DLG2: variants seen among roughly 807,000 people sequenced by gnomAD.
The protein encoded by DLG2 is discs large MAGUK scaffold protein 2, also known as disks large homolog 2.
A neutral mutation model predicts 132.5 loss-of-function variants in DLG2; 45 were observed. That is an observed-to-expected ratio of 0.34 (90% CI 0.27 to 0.44). The LOEUF is 0.44. Ranked by LOEUF, DLG2 falls within the 20% of genes least tolerant of loss-of-function variation. DLG2 has a pLI of 1.00. For missense variants in DLG2, 1,045 were observed against 1,196.9 expected, an observed-to-expected ratio of 0.87 and a Z score of 1.87; for synonymous variants, 424 against 419.6, an observed-to-expected ratio of 1.01 and a Z score of -0.13.
chr11:85,516,825 G>A (rs564155895), intron 3 of DLG2, among the ~76,000 whole-genome samples: 1 of 152,126 alleles, frequency 6.6e-6, no homozygotes, highest in South Asian at 2.1e-4. Context: ...GGGATTCACA[G>A]CTGAATTCCA....
intron 18 of DLG2, among the ~76,000 whole-genome samples, chr11:83,681,338 C>T (rs2078765554): frequency 6.6e-6 from 1 of 152,146 alleles, no homozygotes; most frequent in Non-Finnish European, 1.5e-5. Context: ...CCGCCTGGAG[C>T]TAGGACCTGG....
chr11:84,370,885 A>T (rs2098703463), intron 7 of DLG2, among the ~76,000 whole-genome samples: 1 of 152,184 alleles, frequency 6.6e-6, no homozygotes, highest in African/African-American at 2.4e-5. Flanking sequence ...GACCACTATA[A>T]TCGTACATGT....
chr11:83,995,039 C>T (rs76945602), intron 11 of DLG2, among the ~76,000 whole-genome samples: 5 of 150,936 alleles, frequency 3.3e-5, no homozygotes, highest in Admixed American at 2.6e-4. Context: ...CCAGTACGAC[C>T]TCATCTTAAC....
intron 3 of DLG2, among the ~76,000 whole-genome samples, chr11:85,584,337 ATGGTG>A (rs2078820368): frequency 8.6e-6 from 1 of 115,828 alleles, no homozygotes; most frequent in Non-Finnish European, 1.8e-5. Context: ...GTAGTATTCC[ATGGTG>A]TGTGTGTGTG....
At chr11:83,923,167 T>G (rs943053764) in intron 15 of DLG2, among the ~76,000 whole-genome samples, 1 of 152,276 alleles carries the variant, frequency 6.6e-6, no homozygotes, top group East Asian at 1.9e-4. Context: ...ATTTTCTACC[T>G]GATTTGTGAT....
At chr11:83,678,301 T>G (rs1287928433) in intron 18 of DLG2, among the ~76,000 whole-genome samples, 3 of 152,210 alleles carry the variant, frequency 2.0e-5, no homozygotes, top group Non-Finnish European at 4.4e-5. Context: ...AGTGGAATTT[T>G]AGTTTACTAC....
In DLG2 at chr11:84,681,263, A is replaced by G. The variant is rs983005712; in HGVS notation, c.358-146532T>C. On this transcript the variant is annotated intron_variant, in intron 6 of 27. Coordinates refer to ENST00000376104, the MANE Select transcript of DLG2 (RefSeq NM_001142699.3). ...TCCTTCCTTCCCCTGATATGGGGGT[A>G]TAAGTGTTACCAAAGAATATGTGCC... 2.2e-4 allele frequency among the ~76,000 whole-genome samples: 34 copies of G among 152,306 alleles called. 1 individual carries two copies. The highest frequency in any genetic ancestry group is 6.7e-4 in the African/African-American group (28 of 41,556).
intron 3 of DLG2, among the ~76,000 whole-genome samples, chr11:85,533,244 G>A (rs907967569): frequency 7.2e-5 from 11 of 151,760 alleles, no homozygotes; most frequent in South Asian, 2.1e-4. Flanking sequence ...GGCTAGTCTC[G>A]AACTCCTGGC....
intron 8 of DLG2, among the ~76,000 whole-genome samples, chr11:84,250,477 C>T (rs1472083396): frequency 1.3e-5 from 2 of 152,214 alleles, no homozygotes; most frequent in Non-Finnish European, 2.9e-5. Context: ...AGCCCTTCTT[C>T]TCAGCTTCAT....
intron 6 of DLG2, among the ~76,000 whole-genome samples, chr11:84,591,258 C>T (rs374623893): frequency 0.022 from 499 of 23,190 alleles, 2 homozygotes; most frequent in African/African-American, 0.036. Context: ...TGTGTGTGTG[C>T]GCGTCTTTCT....
At chr11:83,625,383 T>C (rs1435887437) in intron 19 of DLG2, among the ~76,000 whole-genome samples, 1 of 152,216 alleles carries the variant, frequency 6.6e-6, no homozygotes, top group Non-Finnish European at 1.5e-5. Context: ...ATCCCCAGGA[T>C]ACTAACCAGC....
intron 3 of DLG2, among the ~76,000 whole-genome samples, chr11:85,333,812 C>T (rs1239518904): frequency 6.6e-6 from 1 of 151,922 alleles, no homozygotes; most frequent in African/African-American, 2.4e-5. Flanking sequence ...TTTTGATGTG[C>T]TGCTGGATTC....
chr11:84,262,364 G>A (rs2097558042), intron 7 of DLG2, among the ~76,000 whole-genome samples: 1 of 152,078 alleles, frequency 6.6e-6, no homozygotes, highest in Non-Finnish European at 1.5e-5. Flanking sequence ...AAAAAACTAA[G>A]AACTCAAAAA....
chr11:85,361,990 G>A (rs908897547), intron 3 of DLG2, among the ~76,000 whole-genome samples: 1 of 152,036 alleles, frequency 6.6e-6, no homozygotes, highest in Non-Finnish European at 1.5e-5. Context: ...CTTTTTTTGA[G>A]ACAAAGTCTT....
At chr11:85,110,808 C>T (rs1302897034) in intron 6 of DLG2, among the ~76,000 whole-genome samples, 1 of 152,098 alleles carries the variant, frequency 6.6e-6, no homozygotes, top group African/African-American at 2.4e-5. Context: ...TTAGGAAGCT[C>T]CACATATTAC....
At chr11:84,192,965 A>C (rs1457359451) in intron 8 of DLG2, among the ~76,000 whole-genome samples, 1 of 152,184 alleles carries the variant, frequency 6.6e-6, no homozygotes, top group African/African-American at 2.4e-5. Flanking sequence ...AAACTACTCT[A>C]TTGAAATGCC....
At chr11:84,646,885 C>G (rs1291301813) in intron 6 of DLG2, among the ~76,000 whole-genome samples, 1 of 152,102 alleles carries the variant, frequency 6.6e-6, no homozygotes, top group African/African-American at 2.4e-5. Flanking sequence ...GATGGGACAT[C>G]CTCTCTTCAC....
chr11:85,508,557 C>A (rs1490749335), intron 3 of DLG2, among the ~76,000 whole-genome samples: 1 of 151,988 alleles, frequency 6.6e-6, no homozygotes, highest in Non-Finnish European at 1.5e-5. Context: ...TACATCTCTG[C>A]TCACTAGGTT....
intron 15 of DLG2, among the ~76,000 whole-genome samples, chr11:83,888,640 A>G (rs548343635): frequency 6.6e-6 from 1 of 152,308 alleles, no homozygotes; most frequent in African/African-American, 2.4e-5. Context: ...CCTCATCACC[A>G]AGTCAATCCT....
Sources: allele counts gnomAD v4.1 joint callset (sites outside exome capture counted in the v4.1 genomes callset), GRCh38; gene constraint gnomAD v4.1.1; transcripts MANE v1.5; gene names NCBI Gene and HGNC (gene_info 2026-07-23, HGNC 2026-07-21).